DCAF6: variants seen among roughly 807,000 people sequenced by gnomAD.
The protein encoded by DCAF6 is DDB1 and CUL4 associated factor 6, also known as DDB1- and CUL4-associated factor 6.
Under a neutral mutation model 125.1 loss-of-function variants are expected in DCAF6, and 54 were observed. The observed-to-expected ratio is 0.43, with a 90% CI of 0.35 to 0.54. The LOEUF is 0.54. Ranked by LOEUF, DCAF6 falls within the 20% of genes least tolerant of loss-of-function variation. The pLI is 0.01. For missense variants in DCAF6, 934 were observed against 1,161.7 expected (o/e 0.80, Z 2.85); for synonymous variants, 371 against 390.4 (o/e 0.95, Z 0.58).
chr1:167,883,690 G>T, the DCAF6 span: 2 of 1,504,622 alleles, frequency 1.3e-6, no homozygotes, highest in Non-Finnish European at 1.8e-6. Context: ...CCCCAACACC[G>T]CCCCCACCTC....
At chr1:167,870,659 A>T in the DCAF6 span, among the ~76,000 whole-genome samples, 2 of 150,634 alleles carry the variant, frequency 1.3e-5, no homozygotes, top group African/African-American at 2.4e-5. Flanking sequence ...AAAAAAAAAA[A>T]TTAGCCAGAC....
chr1:168,002,401 AATAGAC>A (rs1333088530), intron 7 of DCAF6, 75 bp from the exon 8 acceptor site: 7 of 1,216,114 alleles, frequency 5.8e-6, no homozygotes, highest in Non-Finnish European at 8.4e-6. Context: ...GATGGAAATA[AATAGAC>A]ATAAAGTATG....
rs781442830 is a variant in DCAF6 at position 167,987,504 on chromosome 1, G to C, written c.448G>C (p.Val150Leu). ...HYGTTYEIMT[V>L]PNDPYTFLSC... ...TTCTTTTCATCTTCAGATTATGACTGTACCCAATGACCCTTACACTTTTCT... is the reference window on the plus strand; with the variant it reads ...TTCTTTTCATCTTCAGATTATGACTCTACCCAATGACCCTTACACTTTTCT... The change falls in exon 5 of 22, where the codon GTA becomes CTA. Residue 150 changes from valine (V) to leucine (L), a missense_variant. This residue lies in a region of DCAF6 where 309 missense variants were observed against 381.2 expected (regional missense o/e 0.81). Coordinates refer to ENST00000367840, the MANE Select transcript of DCAF6 (RefSeq NM_001198956.2). 2 of 1,554,480 alleles carry C rather than the reference G, an allele frequency of 1.3e-6. No homozygotes were observed. Among genetic ancestry groups the C allele is most frequent in the Non-Finnish European group, 1.8e-6 (2 of 1,129,626 alleles).
upstream of DCAF6, among the ~76,000 whole-genome samples, chr1:167,931,941 A>C (rs1670923891): frequency 6.6e-6 from 1 of 152,224 alleles, no homozygotes; most frequent in African/African-American, 2.4e-5. Context: ...TCTTATTTAG[A>C]CTTTAAAGTA....
intron 2 of DCAF6, among the ~76,000 whole-genome samples, chr1:167,955,377 C>T (rs1330335980): frequency 1.3e-5 from 2 of 151,820 alleles, no homozygotes; most frequent in African/African-American, 2.4e-5. Flanking sequence ...TACCGTTTAA[C>T]ATTCCCAGTG....
chr1:167,999,175 A>G (rs1264239241), intron 7 of DCAF6, among the ~76,000 whole-genome samples: 1 of 152,206 alleles, frequency 6.6e-6, no homozygotes. Flanking sequence ...GTCAATGCCC[A>G]GTAGTATTTT....
chr1:168,063,909 T>G (rs767427243), intron 18 of DCAF6, 150 bp downstream of exon 18: 6 of 716,562 alleles, frequency 8.4e-6, no homozygotes, highest in Non-Finnish European at 1.3e-5. Context: ...ATGGTTCTTT[T>G]AGCCCTATAA....
chr1:167,874,376 T>C, the DCAF6 span, among the ~76,000 whole-genome samples: 1 of 151,956 alleles, frequency 6.6e-6, no homozygotes, highest in Non-Finnish European at 1.5e-5. Context: ...AATAAACTTA[T>C]GAAGAAGGAG....
At position 168,065,715 on chromosome 1, in the gene DCAF6, A is replaced by G. The variant is rs1692237754; in HGVS notation, c.2565A>G (p.Val855=). ...LMLLEADNHV[V]NCLQPHPFDP... ...TTCTGGAAGCTGATAATCATGTGGT[A>G]AACTGCCTGCAGCCACATCCGTTTG... The change falls in exon 19 of 22, where the codon GTA becomes GTG. Residue 855 remains valine (V), a synonymous_variant. Coordinates refer to ENST00000367840, the MANE Select transcript of DCAF6 (RefSeq NM_001198956.2). The G allele has an allele frequency of 1.2e-6, 2 of 1,612,824 alleles. No individual in the cohort carries two copies. The highest frequency in any genetic ancestry group is 2.2e-5 in the East Asian group (1 of 44,862).
At chr1:167,998,806 TTTG>T (rs1248494117) in intron 7 of DCAF6, 1 of 152,974 alleles carries the variant, frequency 6.5e-6, no homozygotes, top group Non-Finnish European at 1.5e-5. Context: ...TTCTAGTTCT[TTTG>T]TTGTTTTCAC....
chr1:167,937,136 G>C, intron 1 of DCAF6, 128 bp downstream of exon 1: 1 of 767,480 alleles, frequency 1.3e-6, no homozygotes, highest in Non-Finnish European at 2.2e-6. Flanking sequence ...GGGGTGTTGG[G>C]TGGGGCCTTG....
the DCAF6 span, among the ~76,000 whole-genome samples, chr1:167,888,806 G>GTGGAGCGTGCAGTGAGC: frequency 1.5e-4 from 13 of 88,022 alleles, no homozygotes; most frequent in Non-Finnish European, 2.3e-5. Flanking sequence ...AACCCGGGAG[G>GTGGAGCGTGCAGTGAGC]CGGAGCGTGC....
chr1:167,990,696 T>G (rs1680703353), intron 5 of DCAF6, among the ~76,000 whole-genome samples: 1 of 152,192 alleles, frequency 6.6e-6, no homozygotes, highest in Non-Finnish European at 1.5e-5. Flanking sequence ...ATTATTACCA[T>G]CTTTTTGTAG....
rs138106371 is a variant in DCAF6, at chr1:168,052,510, A to G, written c.2300+1577A>G. 2.0e-5 allele frequency among the ~76,000 whole-genome samples: 3 copies of G among 152,326 alleles called. No individual in the cohort carries two copies. The East Asian group carries it at 5.8e-4, about 29-fold the overall frequency. ...GATTATCTGGTGGAAACTTCTAATT[A>G]TAAGGCAGTATTTTCCTGCCAGTGA... is the stretch of plus-strand genomic sequence containing the variant. On this transcript the variant is annotated intron_variant, in intron 17 of 21. Transcript: ENST00000367840.
chr1:168,049,410 TTTGTTG>T (rs1265956080), intron 16 of DCAF6, among the ~76,000 whole-genome samples: 48 of 140,490 alleles, frequency 3.4e-4, no homozygotes, highest in African/African-American at 1.2e-3. Flanking sequence ...ACTCTGCTAA[TTTGTTG>T]TTGTTGTTGT....
intron 3 of DCAF6, chr1:167,969,319 C>T (rs1255379269): frequency 6.6e-6 from 1 of 152,116 alleles, no homozygotes; most frequent in African/African-American, 2.4e-5. Flanking sequence ...GTTTAAGAAA[C>T]TGGATTTTTA....
chr1:168,026,952 T>C (rs1686417935), intron 12 of DCAF6, among the ~76,000 whole-genome samples: 1 of 151,952 alleles, frequency 6.6e-6, no homozygotes, highest in Admixed American at 6.6e-5. Flanking sequence ...GAAAAGGATC[T>C]AGCTAATGAG....
intron 2 of DCAF6, among the ~76,000 whole-genome samples, chr1:167,964,645 C>T (rs926968639): frequency 6.6e-6 from 1 of 152,136 alleles, no homozygotes; most frequent in African/African-American, 2.4e-5. Context: ...TTCTTTTCTC[C>T]TTCTCCTCTG....
At chr1:167,970,432 G>A (rs1438163137) in intron 3 of DCAF6, among the ~76,000 whole-genome samples, 2 of 152,102 alleles carry the variant, frequency 1.3e-5, no homozygotes, top group African/African-American at 4.8e-5. Context: ...TGGGAAGATC[G>A]CTTGAGGCCA....
Sources: allele counts gnomAD v4.1 joint callset (sites outside exome capture counted in the v4.1 genomes callset), GRCh38; gene constraint gnomAD v4.1.1; regional missense constraint gnomAD v4.1.1; transcripts MANE v1.5; gene names NCBI Gene and HGNC (gene_info 2026-07-23, HGNC 2026-07-21).